The following KCNAB2 variants were observed in gnomAD, a reference collection of about 807,000 sequenced individuals.
The protein encoded by KCNAB2 is potassium voltage-gated channel subfamily A regulatory beta subunit 2, also known as voltage-gated potassium channel subunit beta-2.
A neutral mutation model predicts 63.6 loss-of-function variants in KCNAB2; 29 were observed. The observed-to-expected ratio is 0.46, with a 90% CI of 0.34 to 0.62. The LOEUF is 0.62. Ranked by LOEUF, KCNAB2 falls within the 20% of genes least tolerant of loss-of-function variation. The probability of loss-of-function intolerance (pLI) is 0.01; values close to 1 mark genes in which losing one functional copy is unlikely to be tolerated. For synonymous variants in KCNAB2, 222 were observed against 224.2 expected (o/e 0.99, Z 0.09); for missense variants, 359 against 563.9 (o/e 0.64, Z 3.68).
rs555899210 is a variant in KCNAB2 at position 6,069,358 on chromosome 1, G to C, written c.219-3397G>C. Among the ~76,000 whole-genome samples the C allele has an allele frequency of 2.6e-5, 4 of 152,102 alleles. No homozygotes were observed. Among genetic ancestry groups the C allele is most frequent in the African/African-American group, 4.8e-5 (2 of 41,408 alleles). ...TTGTAAAATGACCTGTCATTTCCCG[G>C]AGCCTTCCAGCTCCGGCCCTTCCCA... On this transcript the variant is annotated intron_variant, in intron 2 of 15. Transcript: ENST00000378083. The surrounding 1 kb of genome is among the most constrained non-coding windows in gnomAD (Gnocchi z 5.4).
At chr1:6,041,417 C>T (rs1205257201), upstream of KCNAB2, 4 of 210,456 alleles carry the variant, frequency 1.9e-5, no homozygotes, top group East Asian at 1.4e-4. Context: ...AAGAGCCAGG[C>T]GGGCAGGTGC....
chr1:6,067,572 C>T (rs1207540075), intron 2 of KCNAB2, among the ~76,000 whole-genome samples: 4 of 152,190 alleles, frequency 2.6e-5, no homozygotes, highest in African/African-American at 9.7e-5. Flanking sequence ...GTCCTGCATC[C>T]ACATTCGTGT....
chr1:6,018,443 G>A lies in KCNAB2; in HGVS notation c.-52-22074G>A, dbSNP rs144157772. On this transcript the variant is annotated intron_variant, in intron 1 of 16. Transcript: ENST00000341524. ...GATGGTATTAAGAGGTGGGGCTCTGGGGGTGATAAGGTTTAGATAAGCTCA... is the reference window on the plus strand; with the variant it reads ...GATGGTATTAAGAGGTGGGGCTCTGAGGGTGATAAGGTTTAGATAAGCTCA... Among the ~76,000 whole-genome samples the A allele has an allele frequency of 3.6e-3, 552 of 151,906 alleles. 4 individuals carry two copies. Among genetic ancestry groups the A allele is most frequent in the African/African-American group, 0.013 (524 of 41,420 alleles).
intron 2 of KCNAB2, among the ~76,000 whole-genome samples, chr1:6,060,072 G>A (rs1206425574): frequency 1.1e-4 from 17 of 152,150 alleles, no homozygotes; most frequent in African/African-American, 4.1e-4. Flanking sequence ...CATCTGATGC[G>A]CCCTCTGGCA....
chr1:6,028,826 G>T lies in KCNAB2; in HGVS notation c.-52-11691G>T, dbSNP rs1354271717. ...CTTTTGAAAGCTGTGAGTCCAAGTT[G>T]CCTGGCAAATAGATAAGGAATACAA... is the stretch of plus-strand genomic sequence containing the variant. On this transcript the variant is annotated intron_variant, in intron 1 of 16. Coordinates refer to the KCNAB2 transcript ENST00000341524. This position sits in a 1 kb window ranked among gnomAD's most constrained non-coding sequence, Gnocchi z 4.0. Among the ~76,000 whole-genome samples the T allele has an allele frequency of 1.3e-5, 2 of 152,202 alleles. No homozygotes were observed. Among genetic ancestry groups the T allele is most frequent in the African/African-American group, 2.4e-5 (1 of 41,450 alleles).
chr1:6,098,391 A>G, intron 15 of KCNAB2, 94 bp from the exon 16 acceptor site: 2 of 1,556,430 alleles, frequency 1.3e-6, no homozygotes, highest in Admixed American at 3.9e-5. Flanking sequence ...GGGCCTGGCC[A>G]GCCGACCATC....
intron 1 of KCNAB2, among the ~76,000 whole-genome samples, chr1:6,021,140 A>C (rs1469416867): frequency 1.3e-5 from 2 of 152,038 alleles, no homozygotes; most frequent in African/African-American, 2.4e-5. Context: ...CTGCAGGTGC[A>C]CATCACCATG....
intron 2 of KCNAB2, among the ~76,000 whole-genome samples, chr1:6,064,108 G>A (rs986637774): frequency 3.6e-4 from 55 of 152,224 alleles, no homozygotes; most frequent in Admixed American, 1.0e-3. Flanking sequence ...CAGAGAATGC[G>A]TAAGGAAGAG....
chr1:6,095,747 G>C (rs1350447862), intron 13 of KCNAB2, 123 bp downstream of exon 13: 15 of 873,784 alleles, frequency 1.7e-5, no homozygotes, highest in Non-Finnish European at 2.4e-5. Flanking sequence ...TTCCCACCTC[G>C]GTCTGCTGGG....
chr1:6,016,359 G>A (rs1268330298), intron 1 of KCNAB2, among the ~76,000 whole-genome samples: 5 of 152,312 alleles, frequency 3.3e-5, no homozygotes, highest in East Asian at 3.9e-4. Context: ...ATGCACTGAC[G>A]TCCCTTGGCT....
At chr1:6,054,712 G>T (rs1661664120) in intron 2 of KCNAB2, among the ~76,000 whole-genome samples, 2 of 152,176 alleles carry the variant, frequency 1.3e-5, no homozygotes, top group South Asian at 4.1e-4. Context: ...TTATGTAAAT[G>T]AAGTAGTGGC....
At chr1:6,014,528 C>T (rs1658373164) in intron 1 of KCNAB2, among the ~76,000 whole-genome samples, 1 of 152,238 alleles carries the variant, frequency 6.6e-6, no homozygotes, top group African/African-American at 2.4e-5. Flanking sequence ...GCAAAAGAGT[C>T]ACCAAAAATA....
intron 2 of KCNAB2, among the ~76,000 whole-genome samples, chr1:6,059,606 CATT>C (rs762828011): frequency 8.6e-5 from 13 of 151,360 alleles, no homozygotes; most frequent in African/African-American, 7.3e-5. Flanking sequence ...GCGCCGTGGT[CATT>C]GTTGTTGGTC....
At chr1:6,045,796 A>C (rs1570945058), upstream of KCNAB2, 1 of 584,598 alleles carries the variant, frequency 1.7e-6, no homozygotes, top group East Asian at 1.4e-4. This position sits in a 1 kb window ranked among gnomAD's most constrained non-coding sequence, Gnocchi z 4.8. Context: ...TGTTTCTGGC[A>C]CGCGGGGATG....
At chr1:6,015,317 C>T (rs934727169) in intron 1 of KCNAB2, among the ~76,000 whole-genome samples, 4 of 151,976 alleles carry the variant, frequency 2.6e-5, no homozygotes, top group African/African-American at 9.7e-5. Flanking sequence ...GGCGTGAGCC[C>T]CTGTGCCTGG....
chr1:6,098,377 A>C (rs1557521597), intron 15 of KCNAB2, 108 bp from the exon 16 acceptor site: 7 of 1,526,892 alleles, frequency 4.6e-6, no homozygotes, highest in Non-Finnish European at 6.2e-6. Flanking sequence ...TGATGGGGCA[A>C]CCCGGGCCTG....
upstream of KCNAB2, among the ~76,000 whole-genome samples, chr1:6,044,684 A>G (rs1439170425): frequency 6.6e-6 from 1 of 152,158 alleles, no homozygotes; most frequent in Non-Finnish European, 1.5e-5. Context: ...GGGGTCAGAG[A>G]TCTGCTCTAG....
rs891006291 is a variant in KCNAB2, at chr1:6,035,242, G to A, written c.-53+448G>A. On this transcript the variant is annotated intron_variant, in intron 1 of 15. Transcript: ENST00000164247. The surrounding 1 kb of genome is among the most constrained non-coding windows in gnomAD (Gnocchi z 5.0). Reference sequence around the variant, plus strand: ...CAGTGTGGCAGGGGCCAGTGTGTGAGGGGCTCAGCGGGGGATGTGGCTAGA... The same window carrying A: ...CAGTGTGGCAGGGGCCAGTGTGTGAAGGGCTCAGCGGGGGATGTGGCTAGA... Among the ~76,000 whole-genome samples the A allele has an allele frequency of 6.6e-6, 1 of 152,176 alleles. No homozygotes were observed. Among genetic ancestry groups the A allele is most frequent in the Non-Finnish European group, 1.5e-5 (1 of 68,032 alleles).
chr1:5,994,727 G>T lies in KCNAB2; in HGVS notation c.-53+1939G>T, dbSNP rs997459589. Among the ~76,000 whole-genome samples, 4 of 152,224 alleles carry T rather than the reference G, an allele frequency of 2.6e-5. No homozygotes were observed. Among genetic ancestry groups the T allele is most frequent in the African/African-American group, 4.8e-5 (2 of 41,456 alleles). ...TGTGCACAGAAGCCATTGCACCCGG[G>T]AGGTGGGACGTGGGCCATGGCGCTA... On this transcript the variant is annotated intron_variant, in intron 1 of 16. Coordinates refer to the KCNAB2 transcript ENST00000341524. The surrounding 1 kb of genome is among the most constrained non-coding windows in gnomAD (Gnocchi z 5.4).
Sources: allele counts gnomAD v4.1 joint callset (sites outside exome capture counted in the v4.1 genomes callset), GRCh38; gene constraint gnomAD v4.1.1; non-coding constraint Gnocchi (gnomAD v3.1); transcripts MANE v1.5; gene names NCBI Gene and HGNC (gene_info 2026-07-23, HGNC 2026-07-21).